Variants in PCDHA4 observed in about 807,000 individuals in gnomAD.
PCDHA4 encodes protocadherin alpha-4.
PCDHA4 carries 49 observed loss-of-function variants against 61.4 expected under a neutral mutation model. The observed-to-expected ratio is 0.80, with a 90% CI of 0.63 to 1.01. The LOEUF is 1.01. Among genes scored for constraint, PCDHA4 ranks in the 50% least tolerant of loss-of-function variants. The pLI, the probability that PCDHA4 is intolerant of heterozygous loss-of-function variation, is 0.00. For synonymous variants in PCDHA4, 590 were observed against 550.3 expected (o/e 1.07, Z -1.01); for missense variants, 1,254 against 1,235.8 (o/e 1.01, Z -0.22).
intron 1 of PCDHA4, chr5:140,842,155 A>G (rs1554138828): frequency 1.2e-6 from 2 of 1,613,884 alleles, no homozygotes; most frequent in East Asian, 2.2e-5. Context: ...GGGCAATTTC[A>G]TATTCTTTTA....
At chr5:140,871,024 T>A (rs782482530) in intron 1 of PCDHA4, 2 of 1,613,076 alleles carry the variant, frequency 1.2e-6, no homozygotes, top group African/African-American at 1.3e-5. Flanking sequence ...CGAGGCAGAC[T>A]CGCCGCGCCA....
intron 1 of PCDHA4, among the ~76,000 whole-genome samples, chr5:140,961,947 G>A (rs1183967245): frequency 6.6e-6 from 1 of 150,956 alleles, no homozygotes; most frequent in Non-Finnish European, 1.5e-5. Flanking sequence ...GCAGTGGCAT[G>A]ATCTCGGCTC....
chr5:140,858,449 G>A, intron 1 of PCDHA4: 3 of 1,532,030 alleles, frequency 2.0e-6, no homozygotes, highest in African/African-American at 2.8e-5. Context: ...GGGTTATTAC[G>A]TTTTCATTTT....
intron 3 of PCDHA4, among the ~76,000 whole-genome samples, chr5:141,000,102 C>T (rs537991787): frequency 8.5e-5 from 13 of 152,172 alleles, no homozygotes; most frequent in East Asian, 5.8e-4. Context: ...AGCTCAACTC[C>T]GTCTCTTCCC....
At position 140,905,827 on chromosome 5, in the gene PCDHA4, A is replaced by T. The variant is rs140988076; in HGVS notation, c.2386-73122A>T. 2.2e-3 allele frequency among the ~76,000 whole-genome samples: 329 copies of T among 152,298 alleles called. 1 individual carries two copies. The highest frequency in any genetic ancestry group is 7.5e-3 in the African/African-American group (311 of 41,554). The stretch of plus-strand genomic sequence containing the variant: ...CAGAATTAATAGGCTAGATGTGTAT[A>T]TAAAGGGGAGTTTATTAAGGAGTAT... On this transcript the variant is annotated intron_variant, in intron 1 of 3. Coordinates refer to ENST00000530339, the MANE Select transcript of PCDHA4 (RefSeq NM_018907.4).
rs1554124633 is a variant in PCDHA4, at chr5:140,808,555, G to T, written c.1368G>T (p.Ala456=). ...TGAACGACAACGCTCCGGCGTTCGC[G>T]CAGCCCGAGTACACAGTGTTCGTGA... ...ADVNDNAPAF[A]QPEYTVFVKE... Residue 456 remains alanine, a synonymous_variant, in exon 1 of 4, where the codon GCG becomes GCT. Coordinates refer to ENST00000530339, the MANE Select transcript of PCDHA4 (RefSeq NM_018907.4). 3 of 1,614,096 alleles carry T rather than the reference G, an allele frequency of 1.9e-6. No homozygotes were observed. In the South Asian group the frequency reaches 3.3e-5, roughly 18 times the overall value.
chr5:140,871,522 A>T, intron 1 of PCDHA4: 1 of 1,549,186 alleles, frequency 6.5e-7, no homozygotes, highest in Non-Finnish European at 8.7e-7. Flanking sequence ...TCCACCTATC[A>T]GGAAGTGTAT....
At chr5:140,955,187 T>C (rs1230644276) in intron 1 of PCDHA4, among the ~76,000 whole-genome samples, 1 of 152,198 alleles carries the variant, frequency 6.6e-6, no homozygotes, top group Non-Finnish European at 1.5e-5. Flanking sequence ...TTTTGTGGTG[T>C]ATATGAAGTC....
chr5:140,986,758 G>A (rs1242772553), intron 3 of PCDHA4, among the ~76,000 whole-genome samples: 1 of 152,194 alleles, frequency 6.6e-6, no homozygotes, highest in Non-Finnish European at 1.5e-5. Context: ...ACTAAACAGT[G>A]AAAGATTAAT....
intron 1 of PCDHA4, chr5:140,927,277 GTGCAGC>G: frequency 6.2e-7 from 1 of 1,614,016 alleles, no homozygotes; most frequent in Non-Finnish European, 8.5e-7. Flanking sequence ...TGCCGGCGAC[GTGCAGC>G]TGCACATCCC....
chr5:140,815,120 T>C (rs1765657853), intron 1 of PCDHA4: 1 of 152,118 alleles, frequency 6.6e-6, no homozygotes, highest in Non-Finnish European at 1.5e-5. Flanking sequence ...TATAATTGGG[T>C]CTTTAAAAAA....
At chr5:140,868,600 T>C (rs2050538799) in intron 1 of PCDHA4, 1 of 153,224 alleles carries the variant, frequency 6.5e-6, no homozygotes, top group African/African-American at 2.4e-5. Context: ...CCCTAGTTTT[T>C]CATGAGGCCA....
chr5:140,823,780 G>A lies in PCDHA4; in HGVS notation c.2385+14208G>A, dbSNP rs2150129118. ...CACAGCCACAGTGCTGGTGTCGCTG[G>A]TGGAAAGTGGCCAGGCGCCGAAGGC... On this transcript the variant is annotated intron_variant, in intron 1 of 3. Coordinates refer to ENST00000530339, the MANE Select transcript of PCDHA4 (RefSeq NM_018907.4). 4 of 1,613,760 alleles carry A rather than the reference G, an allele frequency of 2.5e-6. No individual in the cohort carries two copies. The South Asian group carries it at 3.3e-5, about 13-fold the overall frequency.
chr5:140,882,505 G>A (rs782409687), intron 1 of PCDHA4: 13 of 1,614,168 alleles, frequency 8.1e-6, no homozygotes, highest in South Asian at 2.2e-5. Flanking sequence ...AGGTAAATCT[G>A]CAGAATGGCA....
chr5:140,861,496 T>C (rs2153222110), intron 1 of PCDHA4: 1 of 486,240 alleles, frequency 2.1e-6, no homozygotes, highest in Non-Finnish European at 4.2e-6. Context: ...AGTTCTCTGA[T>C]AGACCTCGAG....
chr5:140,876,783 C>G (rs1554168916), intron 1 of PCDHA4: 2 of 1,614,196 alleles, frequency 1.2e-6, no homozygotes, highest in Admixed American at 1.7e-5. Flanking sequence ...CGCTGTGGGC[C>G]ACGGCTAGAG....
chr5:140,937,292 C>T (rs575821972), intron 1 of PCDHA4, among the ~76,000 whole-genome samples: 2 of 152,238 alleles, frequency 1.3e-5, no homozygotes, highest in African/African-American at 4.8e-5. Context: ...CCGCTTCGGC[C>T]TCCCAAAGTG....
chr5:140,967,056 G>A, intron 1 of PCDHA4: 1 of 1,612,712 alleles, frequency 6.2e-7, no homozygotes, highest in Non-Finnish European at 8.5e-7. Context: ...CTGACGAGTG[G>A]AGCGCTCTTC....
At chr5:140,824,067 CA>C in intron 1 of PCDHA4, 1 of 1,614,190 alleles carries the variant, frequency 6.2e-7, no homozygotes, top group Non-Finnish European at 8.5e-7. Context: ...AAGCTCCACC[CA>C]AAACAGACCT....
Sources: gnomAD v4.1 joint callset for allele counts (sites outside exome capture counted in the v4.1 genomes callset) on GRCh38, gnomAD v4.1.1 for gene constraint, MANE v1.5 for transcripts, NCBI Gene and HGNC (gene_info 2026-07-23, HGNC 2026-07-21) for gene names.